Variants in EXD3 observed in about 807,000 individuals in gnomAD.
The protein encoded by EXD3 is exonuclease 3'-5' domain containing 3.
EXD3 carries 92 observed loss-of-function variants against 98.0 expected under a neutral mutation model. That is an observed-to-expected ratio of 0.94 (90% CI 0.79 to 1.12). The LOEUF (loss-of-function observed/expected upper bound fraction) is 1.12. EXD3 is among the 50% of genes most tolerant of loss of function. The pLI, the probability that EXD3 is intolerant of heterozygous loss-of-function variation, is 0.00. For synonymous variants in EXD3, 569 were observed against 526.0 expected, an observed-to-expected ratio of 1.08 and a Z score of -1.12; for missense variants, 1,222 against 1,191.6, an observed-to-expected ratio of 1.03 and a Z score of -0.38.
intron 6 of EXD3, among the ~76,000 whole-genome samples, chr9:137,367,312 C>T (rs548183875): frequency 1.8e-4 from 28 of 152,248 alleles, no homozygotes; most frequent in African/African-American, 4.6e-4. Flanking sequence ...ACCCATCGCC[C>T]GGAGCACAGC....
In EXD3 at chr9:137,350,936, C is replaced by T. The variant is rs972562948; in HGVS notation, c.1494+102G>A. 63 of 895,310 alleles carry T rather than the reference C, an allele frequency of 7.0e-5. No homozygotes were observed. In the East Asian group the frequency reaches 1.2e-3, roughly 17 times the overall value. The allele number at this position is 895,310 out of a possible 1,614,324, so 55.5% of individuals were successfully genotyped here. On this transcript the variant is annotated intron_variant, in intron 14 of 21. Transcript: ENST00000340951. Reference sequence around the variant, plus strand: ...TGAGGCTGTGCTGACAGGAATCCGGCGGGAGAAGCCCAGGGCCGCTGGGAA... The same window carrying T: ...TGAGGCTGTGCTGACAGGAATCCGGTGGGAGAAGCCCAGGGCCGCTGGGAA...
rs1278877364 is a variant in EXD3, at chr9:137,403,051, T to C, written c.-47-7647A>G. On this transcript the variant is annotated intron_variant, in intron 1 of 21. Coordinates refer to ENST00000340951, the MANE Select transcript of EXD3 (RefSeq NM_017820.5). This position sits in a 1 kb window ranked among gnomAD's most constrained non-coding sequence, Gnocchi z 6.1. ...GGAATTCTGGGAGATACAATTCAAG[T>C]TGAGATGTGGGTGAGGACACAGCCA... Among the ~76,000 whole-genome samples, 3 of 151,964 alleles carry C rather than the reference T, an allele frequency of 2.0e-5. No homozygotes were observed. Among genetic ancestry groups the C allele is most frequent in the Admixed American group, 6.6e-5 (1 of 15,258 alleles).
intron 7 of EXD3, among the ~76,000 whole-genome samples, chr9:137,363,468 G>T (rs541169929): frequency 6.6e-6 from 1 of 151,324 alleles, no homozygotes; most frequent in Admixed American, 6.6e-5. Flanking sequence ...CTCTTGAGTA[G>T]CTGGGATTAC....
chr9:137,381,159 C>T (rs995620047), intron 3 of EXD3: 27 of 145,476 alleles, frequency 1.9e-4, no homozygotes, highest in African/African-American at 7.0e-4. Context: ...ACCTGTAATC[C>T]CAGCACTTTG....
At chr9:137,397,095 C>T (rs886990815) in intron 1 of EXD3, among the ~76,000 whole-genome samples, 1 of 152,206 alleles carries the variant, frequency 6.6e-6, no homozygotes, top group Non-Finnish European at 1.5e-5. Context: ...AGTGGAGACA[C>T]CAGAGGCCAC....
chr9:137,363,797 T>G (rs1416414227), intron 7 of EXD3, among the ~76,000 whole-genome samples: 1 of 152,150 alleles, frequency 6.6e-6, no homozygotes, highest in Non-Finnish European at 1.5e-5. Context: ...AGTGTCAGTT[T>G]TGGTAAATTG....
At chr9:137,336,481 C>T (rs1460851292) in intron 17 of EXD3, among the ~76,000 whole-genome samples, 9 of 151,828 alleles carry the variant, frequency 5.9e-5, no homozygotes, top group Admixed American at 2.6e-4. Flanking sequence ...GCCAACATGG[C>T]GAAACCTCAT....
chr9:137,354,433 G>A, intron 9 of EXD3, 56 bp from the exon 10 acceptor site: 1 of 1,609,694 alleles, frequency 6.2e-7, no homozygotes, highest in Non-Finnish European at 8.5e-7. Context: ...GCTGTATCGG[G>A]GCCTGGTGGG....
chr9:137,309,642 C>T lies in EXD3; in HGVS notation c.2243G>A (p.Trp748Ter). 6.4e-7 allele frequency: 1 copy of T among 1,563,364 alleles called. No individual in the cohort carries two copies. The change falls in exon 20 of 22, where the codon TGG becomes TAG. Residue 748 changes from tryptophan to a stop codon, truncating the protein, a stop_gained. Coordinates refer to ENST00000340951, the MANE Select transcript of EXD3 (RefSeq NM_017820.5). LOFTEE classifies it high-confidence loss of function. ...VSRDMMKQLM[W>*]LSSHQEGPRS... ...GGGCCCCTCCTGGTGACTGCTGAGC[C>T]ACATGAGCTGCTTCATCATGTCCCT...
rs548036100 is a variant in EXD3 at position 137,336,750 on chromosome 9, G to T, written c.1998+11321C>A. On this transcript the variant is annotated intron_variant, in intron 17 of 21. Coordinates refer to ENST00000340951, the MANE Select transcript of EXD3 (RefSeq NM_017820.5). ...TGCATATTTTAAGAAAACAAGGAAA[G>T]CAATAGCAATAGAATTTATAGCTTT... Among the ~76,000 whole-genome samples, 4 of 147,472 alleles carry T rather than the reference G, an allele frequency of 2.7e-5. No homozygotes were observed. In the East Asian group the frequency reaches 6.1e-4, roughly 22 times the overall value.
rs541886100 is a variant in EXD3, at chr9:137,362,632, G to C, written c.656+3861C>G. On this transcript the variant is annotated intron_variant, in intron 7 of 21. Transcript: ENST00000340951. ...CCACCTTGGCCTCCCAAAATGTTGG[G>C]ATTCTGGGTGTGAGCCACCGTGCAC... is the stretch of plus-strand genomic sequence containing the variant. Among the ~76,000 whole-genome samples, 4 of 152,166 alleles carry C rather than the reference G, an allele frequency of 2.6e-5. No homozygotes were observed. In the East Asian group the frequency reaches 7.7e-4, roughly 29 times the overall value.
At chr9:137,397,815 C>A (rs147074543) in intron 1 of EXD3, among the ~76,000 whole-genome samples, 4 of 152,156 alleles carry the variant, frequency 2.6e-5, no homozygotes, top group African/African-American at 7.2e-5. Context: ...TGGTGGCTCA[C>A]GCCTTTGGTT....
chr9:137,325,978 G>A (rs929021123), intron 17 of EXD3, among the ~76,000 whole-genome samples: 3 of 151,722 alleles, frequency 2.0e-5, no homozygotes, highest in African/African-American at 7.3e-5. Flanking sequence ...TACTTAGGAA[G>A]TCGACGTGGG....
At chr9:137,332,169 A>C (rs911594654) in intron 17 of EXD3, among the ~76,000 whole-genome samples, 3 of 152,240 alleles carry the variant, frequency 2.0e-5, no homozygotes, top group Non-Finnish European at 4.4e-5. Flanking sequence ...TGCCCAAAGC[A>C]ATCTATAGAT....
At chr9:137,382,129 GC>G (rs1167382265) in intron 3 of EXD3, among the ~76,000 whole-genome samples, 24 of 136,214 alleles carry the variant, frequency 1.8e-4, no homozygotes, top group Middle Eastern at 8.0e-3. Flanking sequence ...AGGTGAGGGC[GC>G]GGGGAGGAGG....
chr9:137,328,762 C>T (rs1191474529), intron 17 of EXD3, among the ~76,000 whole-genome samples: 4 of 35,250 alleles, frequency 1.1e-4, no homozygotes, highest in South Asian at 1.2e-3. Context: ...CTACACGGGA[C>T]TACACGGGGC....
intron 1 of EXD3, among the ~76,000 whole-genome samples, chr9:137,415,414 G>A (rs1009160527): frequency 4.6e-5 from 7 of 152,022 alleles, no homozygotes; most frequent in Admixed American, 6.5e-5. Flanking sequence ...GGCTGGTCTC[G>A]AATTCCTGAC....
intron 17 of EXD3, among the ~76,000 whole-genome samples, chr9:137,338,615 A>G (rs28457689): frequency 0.025 from 3,746 of 151,980 alleles, 135 homozygotes; most frequent in African/African-American, 0.084. Flanking sequence ...GGCCGGGCGC[A>G]GTGGCTCACG....
At chr9:137,398,463 G>T (rs1034586681) in intron 1 of EXD3, among the ~76,000 whole-genome samples, 2 of 152,202 alleles carry the variant, frequency 1.3e-5, no homozygotes, top group South Asian at 4.1e-4. Context: ...CAAGGGAGGA[G>T]CACTGAGTAG....
Sources: allele counts gnomAD v4.1 joint callset (sites outside exome capture counted in the v4.1 genomes callset), GRCh38; gene constraint gnomAD v4.1.1; non-coding constraint Gnocchi (gnomAD v3.1); transcripts MANE v1.5; gene names NCBI Gene and HGNC (gene_info 2026-07-23, HGNC 2026-07-21).